The following CPLANE1 variants were observed in gnomAD, a reference collection of about 807,000 sequenced individuals.
CPLANE1 encodes the protein ciliogenesis and planar polarity effector 1.
In CPLANE1, 263 loss-of-function variants were observed where a neutral mutation model predicts 362.5. The observed-to-expected ratio is 0.73, with a 90% confidence interval of 0.66 to 0.80. The LOEUF is 0.80. CPLANE1 is among the 30% of genes least tolerant of loss of function. The pLI is 0.00. For synonymous variants in CPLANE1, 1,212 were observed against 1,302.6 expected, an observed-to-expected ratio of 0.93 and a Z score of 1.50; for missense variants, 3,461 against 3,793.4, an observed-to-expected ratio of 0.91 and a Z score of 2.30.
Position 37,187,495 on chromosome 5 carries a change from A to C in CPLANE1, c.3999T>G (p.Pro1333=). 6.2e-7 allele frequency: 1 copy of C among 1,613,824 alleles called. No homozygotes were observed. The highest frequency in any genetic ancestry group is 1.7e-5 in the Admixed American group (1 of 59,990). The change falls in exon 23 of 53, where the codon CCT becomes CCG. Residue 1333 remains proline (P), a synonymous_variant. Transcript: ENST00000651892. Reference sequence around the variant, plus strand: ...CTTCCATATTAAAAAACCGAGAGAAAGGCAGCATTCTATAAGCCCATTCCA... The same window carrying C: ...CTTCCATATTAAAAAACCGAGAGAACGGCAGCATTCTATAAGCCCATTCCA... ...SAVEWAYRML[P]FSRFFNMEEL... is the part of the protein sequence containing the mutation.
At chr5:37,098,120 A>G in the CPLANE1 span, among the ~76,000 whole-genome samples, 1 of 151,982 alleles carries the variant, frequency 6.6e-6, no homozygotes, top group East Asian at 1.9e-4. Flanking sequence ...CAGGCCAGGC[A>G]TGGTGGCTCA....
chr5:37,195,999 A>G lies in CPLANE1; in HGVS notation c.3673-3T>C, dbSNP rs768935088. On this transcript the variant is annotated splice_polypyrimidine_tract_variant and splice_region_variant and intron_variant, in intron 20 of 52. Transcript: ENST00000651892. ...GGAAGGGATCCTTTCATTCGAATCTAAAAGTAAAGAATAACCGAACATGTT... is the reference window on the plus strand; with the variant it reads ...GGAAGGGATCCTTTCATTCGAATCTGAAAGTAAAGAATAACCGAACATGTT... 13 of 1,593,300 alleles carry G rather than the reference A, an allele frequency of 8.2e-6. No homozygotes were observed. The Admixed American group carries it at 2.4e-4, about 29-fold the overall frequency.
Position 37,157,361 on chromosome 5 carries a change from C to T in CPLANE1, c.8071G>A (p.Glu2691Lys). Residue 2691 changes from glutamate to lysine, a missense_variant, in exon 41 of 53, where the codon GAG becomes AAG. By Grantham distance (56) the Glu-to-Lys change is moderately conservative. Coordinates refer to ENST00000651892, the MANE Select transcript of CPLANE1 (RefSeq NM_001384732.1). ...GGTGTAGGTGAGGTGACACTAGGCT[C>T]CTTCACTTCTGTAATGCCTGCTCTC... is the stretch of plus-strand genomic sequence containing the variant. The part of the protein sequence containing the change: ...SLRAGITEVK[E>K]PSVTSPTPSD... 7.2e-7 allele frequency: 1 copy of T among 1,396,308 alleles called. No homozygotes were observed. The highest frequency in any genetic ancestry group is 9.5e-7 in the Non-Finnish European group (1 of 1,051,206). The allele number at this position is 1,396,308 out of a possible 1,614,324, so 86.5% of individuals were successfully genotyped here.
intron 44 of CPLANE1, chr5:37,140,481 G>A (rs1007316911): frequency 2.5e-5 from 25 of 983,628 alleles, no homozygotes; most frequent in Admixed American, 2.5e-4. Context: ...TAAGATTAGC[G>A]TAATAGTAAT....
intron 47 of CPLANE1, among the ~76,000 whole-genome samples, chr5:37,122,870 G>T (rs1763059607): frequency 6.6e-6 from 1 of 151,988 alleles, no homozygotes; most frequent in Non-Finnish European, 1.5e-5. Context: ...AACAGAGCAA[G>T]GCTCCGTTTC....
At chr5:37,201,901 A>C (rs1050407745) in intron 18 of CPLANE1, 93 bp from the exon 19 acceptor site, 5 of 787,058 alleles carry the variant, frequency 6.4e-6, no homozygotes, top group Non-Finnish European at 1.0e-5. Context: ...AAAAACATTC[A>C]TTGTCAAGAA....
rs772082205 is a variant in CPLANE1, at chr5:37,173,899, C to A, written c.6027G>T (p.Leu2009=). 12 of 1,613,968 alleles carry A rather than the reference C, an allele frequency of 7.4e-6. No homozygotes were observed. In the African/African-American group the frequency reaches 9.3e-5, roughly 13 times the overall value. ...AAGCAACATTGACTCCATTTGATAT[C>A]AGAAGTGGAACTGAGGAAGATTTTT... ...YKEKSSSVPL[L]ISNGVNVASQ... is the part of the protein sequence containing the mutation. The change falls in exon 32 of 53, where the codon CTG becomes CTT. Residue 2009 remains leucine (L), a synonymous_variant. Coordinates refer to ENST00000651892, the MANE Select transcript of CPLANE1 (RefSeq NM_001384732.1).
intron 14 of CPLANE1, among the ~76,000 whole-genome samples, chr5:37,223,907 T>C (rs928447815): frequency 6.6e-6 from 1 of 151,974 alleles, no homozygotes; most frequent in South Asian, 2.1e-4. Context: ...ATTTTTCCCA[T>C]CAACAATCAA....
In CPLANE1 at chr5:37,247,798, A is replaced by ATT. The variant is rs11320255; in HGVS notation, c.-47-55_-47-54dup. 8.1e-3 allele frequency: 8,274 copies of ATT among 1,027,142 alleles called. 1 individual carries two copies. Among genetic ancestry groups the ATT allele is most frequent in the South Asian group, 0.011 (555 of 48,502 alleles). 63.6% of individuals were successfully genotyped at this position (1,027,142 alleles called of 1,614,324 possible). ...AAATGATGCATAATATTCACTGGGC[A>ATT]TTTTTTTTTTTTTTTTGAGACAAGA... is the stretch of plus-strand genomic sequence containing the variant. On this transcript the variant is annotated intron_variant, in intron 1 of 52. Transcript: ENST00000651892.
chr5:37,147,265 A>T (rs1413036081), intron 43 of CPLANE1, among the ~76,000 whole-genome samples: 2 of 152,246 alleles, frequency 1.3e-5, no homozygotes, highest in East Asian at 3.8e-4. Flanking sequence ...CCACAAGGGA[A>T]ATTTTAACAA....
At position 37,227,707 on chromosome 5, in the gene CPLANE1, T is replaced by G; in HGVS notation, c.1232A>C (p.Tyr411Ser). Reference protein sequence around the residue: ...FSIKAHSRLPYLVISDGYMVT... With the variant: ...FSIKAHSRLPSLVISDGYMVT... Reference sequence around the variant, plus strand: ...CATATATCCATCAGATATAACGAGGTAGGGTAACCGTGAGTGTGCTTTTAT... The same window carrying G: ...CATATATCCATCAGATATAACGAGGGAGGGTAACCGTGAGTGTGCTTTTAT... Residue 411 changes from tyrosine (Y) to serine (S), a missense_variant, in exon 10 of 53, where the codon TAC (tyrosine) becomes TCC (serine). Transcript: ENST00000651892. 1.3e-6 allele frequency: 2 copies of G among 1,551,470 alleles called. No homozygotes were observed. Among genetic ancestry groups the G allele is most frequent in the Non-Finnish European group, 8.7e-7 (1 of 1,146,886 alleles).
intron 46 of CPLANE1, among the ~76,000 whole-genome samples, chr5:37,133,538 T>A (rs762791793): frequency 2.0e-5 from 3 of 151,666 alleles, no homozygotes; most frequent in Non-Finnish European, 4.4e-5. Context: ...GTGTGTCTGT[T>A]GTAAATGGGA....
intron 19 of CPLANE1, among the ~76,000 whole-genome samples, chr5:37,199,776 C>T (rs1204557975): frequency 6.6e-6 from 1 of 152,176 alleles, no homozygotes; most frequent in Non-Finnish European, 1.5e-5. Context: ...TCCTACATGG[C>T]TCATATGATT....
chr5:37,214,681 T>C (rs1793548589), intron 15 of CPLANE1, among the ~76,000 whole-genome samples: 1 of 152,268 alleles, frequency 6.6e-6, no homozygotes, highest in Non-Finnish European at 1.5e-5. Flanking sequence ...AAGTATTTGC[T>C]TAAAATACTG....
At chr5:37,168,617 C>T (rs1388978412) in intron 34 of CPLANE1, among the ~76,000 whole-genome samples, 174 bp downstream of exon 34, 2 of 152,160 alleles carry the variant, frequency 1.3e-5, no homozygotes, top group African/African-American at 2.4e-5. Flanking sequence ...GGATTACAGG[C>T]ATGAGCCACC....
chr5:37,147,580 T>C (rs1407965523), intron 43 of CPLANE1, among the ~76,000 whole-genome samples: 1 of 151,242 alleles, frequency 6.6e-6, no homozygotes, highest in East Asian at 1.9e-4. Flanking sequence ...GCCCCCAAAA[T>C]AGAAGAAATA....
chr5:37,116,816 A>T (rs1330739520), intron 50 of CPLANE1, among the ~76,000 whole-genome samples: 1 of 152,198 alleles, frequency 6.6e-6, no homozygotes, highest in Admixed American at 6.5e-5. Flanking sequence ...GCAATGACTG[A>T]ACTTGACCTA....
chr5:37,110,701 T>C (rs1039814490), intron 51 of CPLANE1, among the ~76,000 whole-genome samples: 8 of 152,150 alleles, frequency 5.3e-5, no homozygotes, highest in Non-Finnish European at 8.8e-5. Flanking sequence ...AAACCATTAT[T>C]ATCCCCATTT....
chr5:37,247,884 G>C, intron 1 of CPLANE1, 139 bp from the exon 2 acceptor site: 1 of 489,736 alleles, frequency 2.0e-6, no homozygotes, highest in South Asian at 3.3e-5. Flanking sequence ...TGCAACCTCC[G>C]CCTCCCGGAT....
Sources: allele counts gnomAD v4.1 joint callset (sites outside exome capture counted in the v4.1 genomes callset), GRCh38; gene constraint gnomAD v4.1.1; transcripts MANE v1.5; gene names NCBI Gene and HGNC (gene_info 2026-07-23, HGNC 2026-07-21).